Variants in INSL6 observed in about 807,000 individuals in gnomAD.
The protein encoded by INSL6 is insulin like 6.
A neutral mutation model predicts 9.4 loss-of-function variants in INSL6; 16 were observed. The observed-to-expected ratio is 1.70, with a 90% CI of 1.15 to 2.59. INSL6 has a LOEUF of 2.59. Among genes scored for constraint, INSL6 ranks in the 30% most tolerant of loss-of-function variants. The pLI is 0.00. For synonymous variants in INSL6, 154 were observed against 96.9 expected (o/e 1.59, Z -3.46); for missense variants, 391 against 257.3 (o/e 1.52, Z -3.56).
At chr9:5,136,259 A>G (rs2130883280) in intron 2 of INSL6, among the ~76,000 whole-genome samples, 1 of 152,376 alleles carries the variant, frequency 6.6e-6, no homozygotes, top group East Asian at 1.9e-4. Flanking sequence ...AATCCTCCCT[A>G]ACTCATTTTA....
intron 1 of INSL6, among the ~76,000 whole-genome samples, chr9:5,183,676 G>A (rs532292594): frequency 2.0e-5 from 3 of 152,186 alleles, no homozygotes; most frequent in East Asian, 1.9e-4. Context: ...TGAAAGCACA[G>A]TATTTGATGT....
chr9:5,167,802 TC>T (rs1206670649), intron 1 of INSL6, among the ~76,000 whole-genome samples: 2 of 152,128 alleles, frequency 1.3e-5, no homozygotes, highest in African/African-American at 2.4e-5. Flanking sequence ...GGGTGAGACC[TC>T]CCAACAGGAG....
the INSL6 span, among the ~76,000 whole-genome samples, chr9:5,076,017 T>C: frequency 6.6e-6 from 1 of 152,138 alleles, no homozygotes; most frequent in Non-Finnish European, 1.5e-5. Context: ...AGGAAGTCAC[T>C]GCAGAGATGG....
At chr9:5,073,160 G>T in the INSL6 span, among the ~76,000 whole-genome samples, 1 of 152,210 alleles carries the variant, frequency 6.6e-6, no homozygotes, top group Non-Finnish European at 1.5e-5. Context: ...TCAAGCCAAA[G>T]AGTTGTTCTA....
the INSL6 span, chr9:5,100,904 A>C: frequency 6.6e-6 from 1 of 152,218 alleles, no homozygotes; most frequent in Admixed American, 6.5e-5. Flanking sequence ...CGCCAATTAA[A>C]ATATCACTTT....
At chr9:5,140,361 G>A (rs779481805) in intron 2 of INSL6, among the ~76,000 whole-genome samples, 4 of 152,134 alleles carry the variant, frequency 2.6e-5, no homozygotes, top group African/African-American at 4.8e-5. Flanking sequence ...ACTTATATTA[G>A]TCATCAGAGC....
chr9:5,105,736 C>G, the INSL6 span, among the ~76,000 whole-genome samples: 63 of 152,304 alleles, frequency 4.1e-4, no homozygotes, highest in East Asian at 7.7e-4. Flanking sequence ...TGGAACAGAA[C>G]AGAGGCCTCA....
At chr9:5,004,506 A>G in the INSL6 span, among the ~76,000 whole-genome samples, 2 of 152,116 alleles carry the variant, frequency 1.3e-5, no homozygotes, top group Non-Finnish European at 2.9e-5. Flanking sequence ...TATTGTGTAC[A>G]TATGCTGTAT....
chr9:5,092,308 G>A, the INSL6 span, among the ~76,000 whole-genome samples: 6 of 152,084 alleles, frequency 3.9e-5, no homozygotes, highest in Non-Finnish European at 5.9e-5. Flanking sequence ...GTCACCCTCC[G>A]CAAATATCAT....
chr9:5,170,513 C>G lies in INSL6; in HGVS notation c.290-6248G>C, dbSNP rs529770016. Among the ~76,000 whole-genome samples, 6 of 148,510 alleles carry G rather than the reference C, an allele frequency of 4.0e-5. No individual in the cohort carries two copies. In the South Asian group the frequency reaches 8.5e-4, roughly 21 times the overall value. Reference sequence around the variant, plus strand: ...AGCTTAGAGCAGAACTGAAGGAGACCAGAGACACGAAAAACCCTTCAAACA... The same window carrying G: ...AGCTTAGAGCAGAACTGAAGGAGACGAGAGACACGAAAAACCCTTCAAACA... On this transcript the variant is annotated intron_variant, in intron 1 of 1. Coordinates refer to ENST00000381641, the MANE Select transcript of INSL6 (RefSeq NM_007179.3).
chr9:5,064,755 C>T, the INSL6 span: 4 of 593,862 alleles, frequency 6.7e-6, no homozygotes, highest in South Asian at 5.3e-5. Flanking sequence ...ATATTGAGTA[C>T]TGAGCCATAA....
At position 5,131,495 on chromosome 9, in the gene INSL6, T is replaced by C. The variant is rs1237703014; in HGVS notation, c.*10+1930A>G. On this transcript the variant is annotated intron_variant, in intron 3 of 3. Transcript: ENST00000649639. ...TCTTGTCGTCCAGGCTGGAGTGCAA[T>C]GGCGTGATCTCGGCTCACTGCAACC... 2.8e-5 allele frequency among the ~76,000 whole-genome samples: 4 copies of C among 143,722 alleles called. No homozygotes were observed. In the East Asian group the frequency reaches 8.4e-4, roughly 30 times the overall value. The allele number at this position is 143,722 out of a possible 152,430, so 94.3% of individuals were successfully genotyped here.
the INSL6 span, among the ~76,000 whole-genome samples, chr9:5,040,781 T>TG: frequency 6.6e-6 from 1 of 152,312 alleles, no homozygotes; most frequent in East Asian, 1.9e-4. Context: ...GCCCTTAACA[T>TG]GCGGTGGCTG....
At chr9:5,069,922 C>A in the INSL6 span, 1 of 1,577,158 alleles carries the variant, frequency 6.3e-7, no homozygotes, top group South Asian at 1.2e-5. Context: ...TTTATTTTTT[C>A]AGATAAATCA....
rs569166057 is a variant in INSL6 at position 5,141,420 on chromosome 9, T to G, written c.377-7828A>C. On this transcript the variant is annotated intron_variant, in intron 2 of 3. Transcript: ENST00000649639. ...CTTATTGGCATGAGATGGTATCTCA[T>G]CGTAGTTATGATTTACGTTTCTCTA... 3.9e-5 allele frequency among the ~76,000 whole-genome samples: 6 copies of G among 152,350 alleles called. No homozygotes were observed. The East Asian group carries it at 1.2e-3, about 29-fold the overall frequency.
chr9:5,127,169 C>G (rs1195042789), intron 3 of INSL6: 1 of 240,816 alleles, frequency 4.2e-6, no homozygotes, highest in East Asian at 6.0e-5. Flanking sequence ...TAGTTTTTAC[C>G]ACAGTGGATG....
intron 2 of INSL6, among the ~76,000 whole-genome samples, chr9:5,150,624 T>C (rs1379321222): frequency 6.6e-6 from 1 of 152,166 alleles, no homozygotes; most frequent in African/African-American, 2.4e-5. Flanking sequence ...TATTTTGGAA[T>C]GTAAGTTAGT....
At chr9:5,160,546 AAAGC>A (rs1387582249), downstream of INSL6, among the ~76,000 whole-genome samples, 1 of 152,180 alleles carries the variant, frequency 6.6e-6, no homozygotes, top group Non-Finnish European at 1.5e-5. Context: ...AAGAACTAGA[AAAGC>A]AAGAGCAAGC....
the INSL6 span, among the ~76,000 whole-genome samples, chr9:5,087,260 C>A: frequency 1.4e-4 from 21 of 152,304 alleles, no homozygotes; most frequent in African/African-American, 4.8e-4. Flanking sequence ...GGCACCTCTT[C>A]ACAGGGCAGC....
Sources: gnomAD v4.1 joint callset for allele counts (sites outside exome capture counted in the v4.1 genomes callset) on GRCh38, gnomAD v4.1.1 for gene constraint, MANE v1.5 for transcripts, NCBI Gene and HGNC (gene_info 2026-07-23, HGNC 2026-07-21) for gene names.